Variants in F11 observed in about 807,000 individuals in gnomAD.
F11 encodes coagulation factor XI, also known as coagualtion factor XI.
Under a neutral mutation model 76.5 loss-of-function variants are expected in F11, and 78 were observed. That is an observed-to-expected ratio of 1.02 (90% CI 0.85 to 1.23). The LOEUF is 1.23. Ranked by LOEUF, F11 falls within the 50% of genes most tolerant of loss-of-function variation. F11 has a pLI of 0.00. For missense variants in F11, 742 were observed against 771.4 expected, an observed-to-expected ratio of 0.96 and a Z score of 0.45; for synonymous variants, 278 against 276.3, an observed-to-expected ratio of 1.01 and a Z score of -0.06.
chr4:186,268,465 C>T (rs1018047104), intron 2 of F11, among the ~76,000 whole-genome samples: 4 of 152,092 alleles, frequency 2.6e-5, no homozygotes, highest in South Asian at 2.1e-4. Flanking sequence ...ATTGACCACA[C>T]ACAAGCCTCT....
At chr4:186,286,872 C>T (rs1038055766) in intron 13 of F11, among the ~76,000 whole-genome samples, 3 of 152,166 alleles carry the variant, frequency 2.0e-5, no homozygotes, top group African/African-American at 4.8e-5. Context: ...AAATGGTACA[C>T]GCAATAGTGG....
intron 2 of F11, among the ~76,000 whole-genome samples, 200 bp from the exon 3 acceptor site, chr4:186,271,409 G>A (rs748068842): frequency 1.3e-5 from 2 of 152,152 alleles, no homozygotes; most frequent in African/African-American, 4.8e-5. Flanking sequence ...TGAAGCCAAC[G>A]TACCATTTTG....
chr4:186,267,229 G>A lies in F11; in HGVS notation c.55+38G>A, dbSNP rs1010199179. ...TTATCTTAACTATGGGCTGGGAGAG[G>A]GAAATCACACTGCAATCTCCACACA... On this transcript the variant is annotated intron_variant, in intron 2 of 14. Coordinates refer to ENST00000403665, the MANE Select transcript of F11 (RefSeq NM_000128.4). The A allele has an allele frequency of 3.3e-6, 4 of 1,220,936 alleles. No individual in the cohort carries two copies. In the African/African-American group the frequency reaches 6.0e-5, roughly 18 times the overall value. The allele number at this position is 1,220,936 out of a possible 1,614,324, so 75.6% of individuals were successfully genotyped here. A position where few individuals can be genotyped will look rare whatever the true frequency, so the allele number is the denominator to read the frequency against.
At position 186,275,137 on chromosome 4, in the gene F11, G is replaced by A. The variant is rs1252766162; in HGVS notation, c.486-650G>A. 1.3e-5 allele frequency: 6 copies of A among 456,974 alleles called. No individual in the cohort carries two copies. The East Asian group carries it at 4.2e-4, about 32-fold the overall frequency. 28.3% of individuals were successfully genotyped at this position (456,974 alleles called of 1,614,324 possible). ...TTTTATGTCTAAGACTTAACAGAAT[G>A]TGAACTGCAAGACAAGAAATTGGAG... On this transcript the variant is annotated intron_variant, in intron 5 of 14. Coordinates refer to ENST00000403665, the MANE Select transcript of F11 (RefSeq NM_000128.4).
chr4:186,277,854 A>G (rs549590231), intron 7 of F11, among the ~76,000 whole-genome samples: 1 of 152,144 alleles, frequency 6.6e-6, no homozygotes, highest in Non-Finnish European at 1.5e-5. Flanking sequence ...ATTTGGTTGC[A>G]CTGGGTGTGA....
At chr4:186,268,599 A>C (rs116688782) in intron 2 of F11, among the ~76,000 whole-genome samples, 2 of 152,190 alleles carry the variant, frequency 1.3e-5, no homozygotes, top group African/African-American at 4.8e-5. Flanking sequence ...TTGAAAATTG[A>C]GTATTTATAA....
intron 2 of F11, among the ~76,000 whole-genome samples, chr4:186,270,862 A>ATTTT (rs34930947): frequency 0.038 from 5,310 of 138,202 alleles, 163 homozygotes; most frequent in African/African-American, 0.077. Context: ...CCCAGCTAGT[A>ATTTT]TTTTTTTTTT....
intron 12 of F11, 34 bp downstream of exon 12, chr4:186,285,847 A>G (rs756791099): frequency 6.8e-6 from 11 of 1,609,620 alleles, no homozygotes; most frequent in African/African-American, 4.0e-5. Flanking sequence ...GTTGTCTCCA[A>G]TGGTGAACTG....
intron 3 of F11, among the ~76,000 whole-genome samples, chr4:186,272,646 GTCT>G (rs1232208998): frequency 6.6e-6 from 1 of 152,186 alleles, no homozygotes; most frequent in Admixed American, 6.5e-5. Context: ...ATTGGCAAAT[GTCT>G]TCTTAATAAC....
At chr4:186,269,864 G>A (rs1219669186) in intron 2 of F11, among the ~76,000 whole-genome samples, 1 of 152,124 alleles carries the variant, frequency 6.6e-6, no homozygotes. Context: ...ACTGGAAATG[G>A]AAGAGAACTT....
At position 186,284,117 on chromosome 4, in the gene F11, G is replaced by A; in HGVS notation, c.1161G>A (p.Arg387=). Residue 387 remains arginine (R), a synonymous_variant, in exon 11 of 15, where the codon AGG becomes AGA. Coordinates refer to ENST00000403665, the MANE Select transcript of F11 (RefSeq NM_000128.4). ...AGTGTACCACCAAAATCAAGCCCAGGATCGTTGGAGGAACTGCGTCTGTTC... is the reference window on the plus strand; with the variant it reads ...AGTGTACCACCAAAATCAAGCCCAGAATCGTTGGAGGAACTGCGTCTGTTC... The part of the protein sequence containing the change: ...DNECTTKIKP[R]IVGGTASVRG... 1.9e-6 allele frequency: 3 copies of A among 1,614,224 alleles called. No individual in the cohort carries two copies.
intron 13 of F11, chr4:186,286,808 G>A: frequency 1.4e-6 from 1 of 722,940 alleles, no homozygotes; most frequent in Non-Finnish European, 1.7e-6. Flanking sequence ...ACTTTCTTGG[G>A]AAGTCATTCC....
intron 11 of F11, among the ~76,000 whole-genome samples, chr4:186,285,138 T>C (rs897217951): frequency 1.3e-5 from 2 of 152,112 alleles, no homozygotes; most frequent in Non-Finnish European, 2.9e-5. Flanking sequence ...CAGACACAGT[T>C]TTGTGTGCTT....
At chr4:186,266,517 C>T (rs1381500105) in intron 1 of F11, among the ~76,000 whole-genome samples, 2 of 152,228 alleles carry the variant, frequency 1.3e-5, no homozygotes, top group Non-Finnish European at 2.9e-5. Context: ...CAGTAACAAG[C>T]GTTTTACGAG....
At chr4:186,268,711 A>C (rs902886940) in intron 2 of F11, among the ~76,000 whole-genome samples, 21 of 152,216 alleles carry the variant, frequency 1.4e-4, no homozygotes, top group African/African-American at 3.6e-4. Flanking sequence ...GATGAATCAG[A>C]GATGAAATCA....
At chr4:186,284,359 G>A (rs1741025510) in intron 11 of F11, 99 bp downstream of exon 11, 7 of 1,213,456 alleles carry the variant, frequency 5.8e-6, no homozygotes, top group Admixed American at 2.1e-5. Context: ...CAATTAGATT[G>A]TCTTATTTGC....
At chr4:186,266,334 G>A (rs896175514) in intron 1 of F11, 39 bp downstream of exon 1, 2 of 152,128 alleles carry the variant, frequency 1.3e-5, no homozygotes, top group Non-Finnish European at 2.9e-5. Flanking sequence ...TTCCTCTCAA[G>A]CAAATACGCC....
chr4:186,271,449 T>G (rs562047408), intron 2 of F11, among the ~76,000 whole-genome samples, 160 bp from the exon 3 acceptor site: 47 of 152,364 alleles, frequency 3.1e-4, no homozygotes, highest in Admixed American at 3.1e-3. Flanking sequence ...AGGCTGTTCA[T>G]TCAATAAACT....
At chr4:186,279,977 A>T (rs534989168) in intron 7 of F11, 35 bp from the exon 8 acceptor site, 1 of 1,479,912 alleles carries the variant, frequency 6.8e-7, no homozygotes. Context: ...TGTGTTTGAT[A>T]TGATATATTT....
Sources: allele counts gnomAD v4.1 joint callset (sites outside exome capture counted in the v4.1 genomes callset), GRCh38; gene constraint gnomAD v4.1.1; transcripts MANE v1.5; gene names NCBI Gene and HGNC (gene_info 2026-07-23, HGNC 2026-07-21).